The following SIPA1L1 variants were observed in gnomAD, a reference collection of about 807,000 sequenced individuals.
SIPA1L1 encodes the protein signal-induced proliferation-associated 1-like protein 1.
A neutral mutation model predicts 162.7 loss-of-function variants in SIPA1L1; 26 were observed. The ratio of observed to expected loss-of-function variants is 0.16; its 90% CI spans 0.12 to 0.22. The LOEUF (loss-of-function observed/expected upper bound fraction) is 0.22. Among genes scored for constraint, SIPA1L1 ranks in the 10% least tolerant of loss-of-function variants. The pLI is 1.00. For synonymous variants in SIPA1L1, 829 were observed against 837.4 expected (o/e 0.99, Z 0.17); for missense variants, 1,874 against 2,241.0 (o/e 0.84, Z 3.31).
At chr14:71,654,102 G>C (rs1280629835) in intron 8 of SIPA1L1, among the ~76,000 whole-genome samples, 2 of 152,078 alleles carry the variant, frequency 1.3e-5, no homozygotes, top group Admixed American at 6.6e-5. Context: ...TTGTAAAGGA[G>C]GACGAGGCTC....
intron 2 of SIPA1L1, among the ~76,000 whole-genome samples, chr14:71,496,446 G>A (rs1341079447): frequency 6.6e-6 from 1 of 151,988 alleles, no homozygotes; most frequent in Admixed American, 6.6e-5. Context: ...TCTTTTGATT[G>A]TAGATTTTAA....
At chr14:71,457,858 A>G (rs1276061937) in intron 2 of SIPA1L1, among the ~76,000 whole-genome samples, 1 of 152,124 alleles carries the variant, frequency 6.6e-6, no homozygotes, top group African/African-American at 2.4e-5. Context: ...CAGCCTCCCA[A>G]AGTGCTGGGA....
intron 2 of SIPA1L1, among the ~76,000 whole-genome samples, chr14:71,491,586 G>A (rs2049257292): frequency 6.6e-6 from 1 of 151,976 alleles, no homozygotes; most frequent in African/African-American, 2.4e-5. Context: ...CCAGACTGGA[G>A]TGCAGTGGTG....
chr14:71,426,047 G>A (rs546671698), intron 2 of SIPA1L1, among the ~76,000 whole-genome samples: 6 of 152,046 alleles, frequency 3.9e-5, no homozygotes, highest in Non-Finnish European at 8.8e-5. Flanking sequence ...CGAAATAATC[G>A]TTTTATTACT....
chr14:71,634,283 T>C (rs1440277182), intron 7 of SIPA1L1, among the ~76,000 whole-genome samples: 1 of 151,170 alleles, frequency 6.6e-6, no homozygotes, highest in Non-Finnish European at 1.5e-5. Context: ...GCACCTGTAA[T>C]CCCAGCTACT....
intron 2 of SIPA1L1, among the ~76,000 whole-genome samples, chr14:71,436,885 C>T (rs905142092): frequency 6.6e-6 from 1 of 150,988 alleles, no homozygotes; most frequent in African/African-American, 2.4e-5. Context: ...CTGCCTCAGT[C>T]TCTGGAGTAG....
At chr14:71,420,273 A>T (rs1412973262) in intron 2 of SIPA1L1, among the ~76,000 whole-genome samples, 1 of 152,198 alleles carries the variant, frequency 6.6e-6, no homozygotes, top group Non-Finnish European at 1.5e-5. Flanking sequence ...ATAATAAATG[A>T]CCAAACATAA....
chr14:71,542,367 CCTG>C lies in SIPA1L1; in HGVS notation c.-303+13015_-303+13017del, dbSNP rs142934736. On this transcript the variant is annotated intron_variant, in intron 4 of 23. Transcript: ENST00000381232. ...TCCTTCTTTCCTCTTTCTTCTTCTTCCTGCTGCTGCTGCTGCTGCTTCTTCCTG... is the reference window on the plus strand; with the variant it reads ...TCCTTCTTTCCTCTTTCTTCTTCTTCCTGCTGCTGCTGCTGCTTCTTCCTG... 3.4e-3 allele frequency among the ~76,000 whole-genome samples: 466 copies of C among 137,486 alleles called. 1 individual carries two copies. The highest frequency in any genetic ancestry group is 5.8e-3 in the Non-Finnish European group (363 of 62,566). 90.2% of individuals were successfully genotyped at this position (137,486 alleles called of 152,430 possible).
At chr14:71,614,229 A>C (rs971753789) in intron 5 of SIPA1L1, among the ~76,000 whole-genome samples, 1 of 152,054 alleles carries the variant, frequency 6.6e-6, no homozygotes, top group Non-Finnish European at 1.5e-5. Context: ...AAAAAAAAAA[A>C]AAACAAAAAC....
chr14:71,586,516 G>T (rs2034628707), intron 4 of SIPA1L1: 1 of 152,210 alleles, frequency 6.6e-6, no homozygotes, highest in African/African-American at 2.4e-5. Flanking sequence ...TATTTGGCAA[G>T]AATTTAAAGG....
At chr14:71,707,604 A>T (rs1479770135) in intron 16 of SIPA1L1, among the ~76,000 whole-genome samples, 1 of 152,174 alleles carries the variant, frequency 6.6e-6, no homozygotes, top group Non-Finnish European at 1.5e-5. Flanking sequence ...TGTTCCCAAG[A>T]TTCATCCATG....
chr14:71,529,026 C>T (rs577805710), intron 3 of SIPA1L1, among the ~76,000 whole-genome samples: 1 of 151,430 alleles, frequency 6.6e-6, no homozygotes, highest in South Asian at 2.1e-4. Flanking sequence ...GCAGAAGAAT[C>T]GCTTGAACCT....
At chr14:71,410,879 C>A (rs2140291617) in intron 2 of SIPA1L1, among the ~76,000 whole-genome samples, 1 of 152,266 alleles carries the variant, frequency 6.6e-6, no homozygotes, top group East Asian at 1.9e-4. Context: ...GTACAGAAAA[C>A]CATAGGTTAA....
At chr14:71,432,485 C>T (rs1595433796) in intron 2 of SIPA1L1, among the ~76,000 whole-genome samples, 1 of 152,184 alleles carries the variant, frequency 6.6e-6, no homozygotes, top group Non-Finnish European at 1.5e-5. Context: ...ACAAGGTAGT[C>T]AGATAATTTC....
intron 2 of SIPA1L1, among the ~76,000 whole-genome samples, chr14:71,374,570 T>C (rs1265521622): frequency 6.6e-6 from 1 of 151,978 alleles, no homozygotes; most frequent in East Asian, 1.9e-4. Flanking sequence ...ATTTTTAATT[T>C]TTAATTTTAG....
At chr14:71,361,567 C>G (rs529996947) in intron 2 of SIPA1L1, among the ~76,000 whole-genome samples, 1 of 152,310 alleles carries the variant, frequency 6.6e-6, no homozygotes, top group African/African-American at 2.4e-5. Context: ...TAAGTCATTA[C>G]GTAAGAACTT....
intron 5 of SIPA1L1, among the ~76,000 whole-genome samples, chr14:71,601,666 G>C (rs766269790): frequency 6.6e-6 from 1 of 152,060 alleles, no homozygotes; most frequent in Non-Finnish European, 1.5e-5. Context: ...AGGAGAATTT[G>C]TATTCTTTAT....
intron 12 of SIPA1L1, among the ~76,000 whole-genome samples, chr14:71,677,616 T>G (rs1287133311): frequency 1.3e-5 from 2 of 152,200 alleles, no homozygotes; most frequent in African/African-American, 2.4e-5. Flanking sequence ...GGTCTAACAT[T>G]TAGGTCTTTA....
intron 2 of SIPA1L1, among the ~76,000 whole-genome samples, chr14:71,416,720 TACACACACACACAC>T (rs3085177): frequency 2.0e-5 from 3 of 147,738 alleles, no homozygotes; most frequent in African/African-American, 5.0e-5. Flanking sequence ...AAGAAAAATC[TACACACACACACAC>T]ACACACACAC....
Sources: gnomAD v4.1 joint callset for allele counts (sites outside exome capture counted in the v4.1 genomes callset) on GRCh38, gnomAD v4.1.1 for gene constraint, MANE v1.5 for transcripts, NCBI Gene and HGNC (gene_info 2026-07-23, HGNC 2026-07-21) for gene names.